The following MACROD2 variants were observed in gnomAD, a reference collection of about 807,000 sequenced individuals.
MACROD2 encodes mono-ADP ribosylhydrolase 2, also known as ADP-ribose glycohydrolase MACROD2.
Under a neutral mutation model 70.4 loss-of-function variants are expected in MACROD2, and 36 were observed. The ratio of observed to expected loss-of-function variants is 0.51; its 90% CI spans 0.39 to 0.68. MACROD2 has a LOEUF of 0.68. MACROD2 is among the 30% of genes least tolerant of loss of function. The pLI, the probability that MACROD2 is intolerant of heterozygous loss-of-function variation, is 0.00. For missense variants in MACROD2, 496 were observed against 538.4 expected, an observed-to-expected ratio of 0.92 and a Z score of 0.78; for synonymous variants, 172 against 178.8, an observed-to-expected ratio of 0.96 and a Z score of 0.30.
intron 2 of MACROD2, among the ~76,000 whole-genome samples, chr20:14,042,918 G>GTTTTTTTT (rs573192408): frequency 2.8e-5 from 4 of 141,282 alleles, no homozygotes; most frequent in Admixed American, 7.0e-5. Context: ...CAGGTGGTGG[G>GTTTTTTTT]TTTTTTTTTT....
intron 4 of MACROD2, among the ~76,000 whole-genome samples, chr20:14,652,432 AT>A (rs573780358): frequency 2.0e-4 from 30 of 152,222 alleles, no homozygotes; most frequent in Non-Finnish European, 3.8e-4. Flanking sequence ...CTAGAATTCC[AT>A]TTTTTCTTAC....
intron 4 of MACROD2, among the ~76,000 whole-genome samples, chr20:14,528,767 G>T (rs1239294335): frequency 3.9e-5 from 6 of 152,104 alleles, no homozygotes; most frequent in Admixed American, 3.9e-4. Flanking sequence ...GTTGGGTTGG[G>T]CTGTCTTCTC....
intron 5 of MACROD2, chr20:14,893,452 G>GT (rs1232519104): frequency 6.6e-6 from 1 of 151,820 alleles, no homozygotes; most frequent in Non-Finnish European, 1.5e-5. Context: ...GTTACTTTCC[G>GT]TTTTTTGATA....
intron 12 of MACROD2, among the ~76,000 whole-genome samples, chr20:15,957,499 A>T (rs1223651471): frequency 6.6e-6 from 1 of 152,120 alleles, no homozygotes; most frequent in Non-Finnish European, 1.5e-5. Context: ...ATGCTCTCTC[A>T]TGACCTCTGT....
intron 9 of MACROD2, among the ~76,000 whole-genome samples, chr20:15,878,855 C>A (rs2064712993): frequency 6.6e-6 from 1 of 152,058 alleles, no homozygotes; most frequent in South Asian, 2.1e-4. Context: ...AGCTTTTACC[C>A]AAAACTTGTT....
chr20:15,983,248 G>C (rs1000719883), intron 13 of MACROD2, among the ~76,000 whole-genome samples: 5 of 152,172 alleles, frequency 3.3e-5, no homozygotes, highest in African/African-American at 9.7e-5. Context: ...CATCTAAATA[G>C]ATGTGAGAGT....
intron 3 of MACROD2, among the ~76,000 whole-genome samples, chr20:14,292,969 G>A (rs2082398444): frequency 1.3e-5 from 2 of 151,916 alleles, no homozygotes; most frequent in South Asian, 2.1e-4. Flanking sequence ...TGTTTCATTA[G>A]GTAATTAAAG....
chr20:14,206,502 T>C (rs2081524375), intron 3 of MACROD2, among the ~76,000 whole-genome samples: 1 of 152,254 alleles, frequency 6.6e-6, no homozygotes, highest in Non-Finnish European at 1.5e-5. Flanking sequence ...AAAAACAGTC[T>C]TTTCATAGTT....
chr20:14,777,325 A>C (rs995938970), intron 5 of MACROD2, among the ~76,000 whole-genome samples: 1 of 151,884 alleles, frequency 6.6e-6, no homozygotes, highest in African/African-American at 2.4e-5. Context: ...GTTATTTTTA[A>C]AGCATCCACC....
chr20:14,931,590 G>C (rs2074296284), intron 5 of MACROD2, among the ~76,000 whole-genome samples: 1 of 152,118 alleles, frequency 6.6e-6, no homozygotes, highest in South Asian at 2.1e-4. Flanking sequence ...GGTAAACGTT[G>C]TAAAGTTTTA....
intron 4 of MACROD2, among the ~76,000 whole-genome samples, chr20:14,642,333 C>T (rs927097812): frequency 3.3e-5 from 5 of 152,100 alleles, no homozygotes; most frequent in African/African-American, 2.4e-5. Flanking sequence ...ACACTTTCTC[C>T]GTATCAGCAG....
At chr20:15,251,880 A>T (rs1183542611) in intron 6 of MACROD2, among the ~76,000 whole-genome samples, 1 of 152,212 alleles carries the variant, frequency 6.6e-6, no homozygotes, top group Admixed American at 6.5e-5. Context: ...CTACTGTTTG[A>T]AGTTGATAAG....
chr20:14,093,439 G>A (rs1032968761), intron 3 of MACROD2, among the ~76,000 whole-genome samples: 4 of 151,962 alleles, frequency 2.6e-5, no homozygotes, highest in Non-Finnish European at 4.4e-5. Flanking sequence ...CAAAAAAGAG[G>A]TGTTTTCAGA....
At chr20:15,812,001 C>T (rs949273375) in intron 8 of MACROD2, among the ~76,000 whole-genome samples, 3 of 152,104 alleles carry the variant, frequency 2.0e-5, no homozygotes, top group Non-Finnish European at 4.4e-5. Flanking sequence ...GGAAGGAGCC[C>T]ACCAGTTCAT....
At chr20:15,326,767 AT>A (rs1351379581) in intron 6 of MACROD2, among the ~76,000 whole-genome samples, 16 of 152,252 alleles carry the variant, frequency 1.1e-4, no homozygotes, top group Middle Eastern at 6.8e-3. Flanking sequence ...ATATACAGAA[AT>A]AGCCACAGGT....
At chr20:15,099,181 G>T (rs1351510892) in intron 5 of MACROD2, among the ~76,000 whole-genome samples, 2 of 152,132 alleles carry the variant, frequency 1.3e-5, no homozygotes, top group Non-Finnish European at 2.9e-5. Context: ...TGTTATATTA[G>T]TTAACAAAGG....
chr20:14,028,838 G>C (rs1034400972), intron 2 of MACROD2, among the ~76,000 whole-genome samples: 2 of 152,122 alleles, frequency 1.3e-5, no homozygotes, highest in African/African-American at 4.8e-5. Context: ...GACCGGAGCT[G>C]TTCCTATTCG....
intron 5 of MACROD2, among the ~76,000 whole-genome samples, chr20:14,729,993 GA>G (rs1319669632): frequency 8.6e-5 from 13 of 152,034 alleles, no homozygotes; most frequent in Admixed American, 8.5e-4. Context: ...GAATCAAATA[GA>G]AAATTAGCAA....
At chr20:15,016,435 G>A (rs1348816878) in intron 5 of MACROD2, among the ~76,000 whole-genome samples, 1 of 152,114 alleles carries the variant, frequency 6.6e-6, no homozygotes, top group Non-Finnish European at 1.5e-5. Flanking sequence ...CAAATCTCAT[G>A]TTGGAATGTG....
Sources: allele counts gnomAD v4.1 joint callset (sites outside exome capture counted in the v4.1 genomes callset), GRCh38; gene constraint gnomAD v4.1.1; transcripts MANE v1.5; gene names NCBI Gene and HGNC (gene_info 2026-07-23, HGNC 2026-07-21).